ATP13A5: variants seen among roughly 807,000 people sequenced by gnomAD.
ATP13A5 encodes probable cation-transporting ATPase 13A5.
A neutral mutation model predicts 150.2 loss-of-function variants in ATP13A5; 149 were observed. The ratio of observed to expected loss-of-function variants is 0.99; its 90% CI spans 0.87 to 1.14. The LOEUF is 1.14. Ranked by LOEUF, ATP13A5 falls within the 50% of genes most tolerant of loss-of-function variation. ATP13A5 has a pLI of 0.00. For missense variants in ATP13A5, 1,383 were observed against 1,449.3 expected (o/e 0.95, Z 0.74); for synonymous variants, 497 against 522.2 (o/e 0.95, Z 0.66).
intron 26 of ATP13A5, among the ~76,000 whole-genome samples, chr3:193,289,235 TATAGCCTACCACA>T (rs1285236334): frequency 6.6e-6 from 1 of 152,128 alleles, no homozygotes; most frequent in Non-Finnish European, 1.5e-5. Flanking sequence ...CCATCGGCGC[TATAGCCTACCACA>T]AAAACATTAA....
intron 21 of ATP13A5, among the ~76,000 whole-genome samples, chr3:193,309,369 A>G (rs1718751222): frequency 6.6e-6 from 1 of 152,188 alleles, no homozygotes; most frequent in South Asian, 2.1e-4. Context: ...TCTAAGCTAT[A>G]CAACCTGCCC....
intron 9 of ATP13A5, among the ~76,000 whole-genome samples, chr3:193,343,104 C>A (rs974476561): frequency 2.0e-5 from 3 of 152,112 alleles, no homozygotes; most frequent in African/African-American, 7.2e-5. Context: ...AGATAATGAA[C>A]TCTCCCTACA....
At chr3:193,340,094 C>T (rs1712059103) in intron 9 of ATP13A5, among the ~76,000 whole-genome samples, 1 of 152,164 alleles carries the variant, frequency 6.6e-6, no homozygotes, top group Admixed American at 6.6e-5. Flanking sequence ...TCCAAGGCAG[C>T]TGAAGAGAGT....
intron 1 of ATP13A5, among the ~76,000 whole-genome samples, chr3:193,365,852 C>T (rs1047577924): frequency 1.3e-5 from 2 of 152,006 alleles, no homozygotes; most frequent in Admixed American, 1.3e-4. Context: ...ACTCACAATG[C>T]TAGTAAGACT....
chr3:193,332,420 GGT>G (rs773068954), intron 11 of ATP13A5, among the ~76,000 whole-genome samples: 2 of 152,104 alleles, frequency 1.3e-5, no homozygotes, highest in Admixed American at 6.5e-5. Flanking sequence ...ACACAATTAA[GGT>G]CAGGGATGAG....
At chr3:193,311,966 T>C in intron 19 of ATP13A5, 25 bp from the exon 20 acceptor site, 1 of 1,612,412 alleles carries the variant, frequency 6.2e-7, no homozygotes, top group Non-Finnish European at 8.5e-7. Flanking sequence ...GCATCATTTC[T>C]ACATTGACTC....
intron 14 of ATP13A5, among the ~76,000 whole-genome samples, chr3:193,323,036 A>G (rs1411396757): frequency 6.6e-6 from 1 of 152,360 alleles, no homozygotes; most frequent in East Asian, 1.9e-4. Flanking sequence ...AGCTGCTAGC[A>G]AATTAGAAAG....
intron 9 of ATP13A5, among the ~76,000 whole-genome samples, chr3:193,335,981 A>G (rs949465696): frequency 6.6e-6 from 1 of 152,212 alleles, no homozygotes; most frequent in Non-Finnish European, 1.5e-5. Flanking sequence ...AGATGTTAAT[A>G]ATAATTTTTG....
At chr3:193,314,840 A>G (rs1164282967) in intron 18 of ATP13A5, 132 bp downstream of exon 18, 5 of 1,151,076 alleles carry the variant, frequency 4.3e-6, no homozygotes, top group South Asian at 1.6e-5. Flanking sequence ...TAGGTAAGGG[A>G]CTACAGGGTA....
chr3:193,306,474 C>CA (rs1440336198), intron 22 of ATP13A5, among the ~76,000 whole-genome samples: 3 of 151,788 alleles, frequency 2.0e-5, no homozygotes, highest in Non-Finnish European at 2.9e-5. Flanking sequence ...AAACATAAAG[C>CA]AAAAAACATC....
intron 20 of ATP13A5, 59 bp from the exon 21 acceptor site, chr3:193,310,776 A>G (rs1560126461): frequency 5.1e-6 from 7 of 1,368,344 alleles, no homozygotes; most frequent in Non-Finnish European, 7.1e-6. Context: ...TTTAAAAATA[A>G]AAGAACAGCC....
chr3:193,307,208 A>C, intron 22 of ATP13A5, 119 bp downstream of exon 22: 1 of 1,566,482 alleles, frequency 6.4e-7, no homozygotes, highest in South Asian at 1.2e-5. Flanking sequence ...GGATATAAAC[A>C]GCAAAATAAT....
At chr3:193,352,374 C>T (rs778552005) in intron 6 of ATP13A5, among the ~76,000 whole-genome samples, 1 of 152,174 alleles carries the variant, frequency 6.6e-6, no homozygotes, top group Admixed American at 6.5e-5. Flanking sequence ...TGAAGTTAAA[C>T]AAATCCAGTA....
At chr3:193,334,496 G>A (rs531026974) in intron 10 of ATP13A5, among the ~76,000 whole-genome samples, 1 of 152,286 alleles carries the variant, frequency 6.6e-6, no homozygotes, top group South Asian at 2.1e-4. Flanking sequence ...AGATTCGTTG[G>A]CTTTAACTGG....
At chr3:193,365,018 A>G (rs1327573226) in intron 1 of ATP13A5, among the ~76,000 whole-genome samples, 1 of 152,188 alleles carries the variant, frequency 6.6e-6, no homozygotes, top group Non-Finnish European at 1.5e-5. Context: ...ATTGAAGGCC[A>G]ATTCCTAGTT....
At chr3:193,280,299 G>A (rs187703950) in intron 27 of ATP13A5, among the ~76,000 whole-genome samples, 2 of 151,992 alleles carry the variant, frequency 1.3e-5, no homozygotes, top group African/African-American at 2.4e-5. Flanking sequence ...CGATCCACCC[G>A]CCTCGGCCTC....
chr3:193,314,472 G>C (rs1303611839), intron 18 of ATP13A5: 2 of 369,926 alleles, frequency 5.4e-6, no homozygotes, highest in Non-Finnish European at 9.9e-6. Flanking sequence ...ATCCTCAGAA[G>C]ACAGACAACT....
chr3:193,301,211 C>T lies in ATP13A5; in HGVS notation c.2775G>A (p.Trp925Ter), dbSNP rs1718383112. ...GAGACAAAATGATTTTGTTTCATAC[C>T]CAATAGAGCAGTAATGCACTGATAA... is the stretch of plus-strand genomic sequence containing the variant. ...IQFISALLLY[W>*]QLQLFGNYQY... The change falls in exon 24 of 30, where the codon TGG becomes TGA. Residue 925 changes from tryptophan to a stop codon, truncating the protein, a stop_gained and splice_region_variant. Coordinates refer to ENST00000342358, the MANE Select transcript of ATP13A5 (RefSeq NM_198505.4). LOFTEE classifies it high-confidence loss of function. 2 of 1,607,270 alleles carry T rather than the reference C, an allele frequency of 1.2e-6. No individual in the cohort carries two copies. The highest frequency in any genetic ancestry group is 3.3e-4 in the Middle Eastern group (2 of 6,024).
intron 25 of ATP13A5, among the ~76,000 whole-genome samples, chr3:193,291,532 G>A (rs935314664): frequency 1.3e-5 from 2 of 152,066 alleles, no homozygotes; most frequent in Non-Finnish European, 2.9e-5. Context: ...GATGACTCAG[G>A]AAGGGTCCTG....
Sources: allele counts gnomAD v4.1 joint callset (sites outside exome capture counted in the v4.1 genomes callset), GRCh38; gene constraint gnomAD v4.1.1; transcripts MANE v1.5; gene names NCBI Gene and HGNC (gene_info 2026-07-23, HGNC 2026-07-21).